HHAT: variants seen among roughly 807,000 people sequenced by gnomAD.
The protein encoded by HHAT is hedgehog acyltransferase.
Under a neutral mutation model 70.8 loss-of-function variants are expected in HHAT, and 47 were observed. The observed-to-expected ratio is 0.66, with a 90% confidence interval of 0.53 to 0.85. HHAT has a LOEUF of 0.85. Among genes scored for constraint, HHAT ranks in the 40% least tolerant of loss-of-function variants. The pLI is 0.00. For missense variants in HHAT, 609 were observed against 604.8 expected, an observed-to-expected ratio of 1.01 and a Z score of -0.07; for synonymous variants, 228 against 247.6, an observed-to-expected ratio of 0.92 and a Z score of 0.74.
intron 5 of HHAT, among the ~76,000 whole-genome samples, 195 bp from the exon 6 acceptor site, chr1:210,404,269 A>T (rs1457272741): frequency 6.6e-6 from 1 of 152,100 alleles, no homozygotes. Flanking sequence ...TTGATTACCA[A>T]TGAGATTTAC....
chr1:210,540,523 GCTCTCT>G (rs3067934), intron 9 of HHAT, among the ~76,000 whole-genome samples: 13 of 147,390 alleles, frequency 8.8e-5, no homozygotes, highest in Non-Finnish European at 1.5e-4. Context: ...ACAAACACAC[GCTCTCT>G]CTCTCTCTCT....
intron 10 of HHAT, chr1:210,589,070 A>G (rs922528028): frequency 2.0e-5 from 3 of 152,344 alleles, no homozygotes; most frequent in Admixed American, 2.0e-4. Flanking sequence ...ACCCCGAAAA[A>G]AGTAGCTAAA....
chr1:210,510,302 C>T (rs1039421906), intron 8 of HHAT, among the ~76,000 whole-genome samples: 10 of 152,086 alleles, frequency 6.6e-5, no homozygotes, highest in Non-Finnish European at 1.2e-4. Context: ...ACATCACCCC[C>T]GGAGGCCATG....
intron 10 of HHAT, among the ~76,000 whole-genome samples, chr1:210,605,947 C>T (rs1044697207): frequency 5.3e-5 from 8 of 151,782 alleles, no homozygotes; most frequent in Middle Eastern, 6.8e-3. Flanking sequence ...ACCTCCACCT[C>T]CCAGGTTCAA....
chr1:210,659,035 A>G (rs1361532078), intron 11 of HHAT, among the ~76,000 whole-genome samples: 1 of 150,646 alleles, frequency 6.6e-6, no homozygotes, highest in Non-Finnish European at 1.5e-5. Context: ...GAACTAGAGA[A>G]GCAAGAGCAA....
chr1:210,518,522 G>A (rs1053032123), intron 9 of HHAT, among the ~76,000 whole-genome samples: 4 of 152,178 alleles, frequency 2.6e-5, no homozygotes, highest in Admixed American at 6.5e-5. Context: ...CCCAGGCACG[G>A]TGGCTCGCAC....
chr1:210,531,075 TG>T (rs1464926011), intron 9 of HHAT, among the ~76,000 whole-genome samples: 1 of 152,226 alleles, frequency 6.6e-6, no homozygotes, highest in Non-Finnish European at 1.5e-5. Context: ...ATAGGCTTTA[TG>T]GTGGAGCCTC....
upstream of HHAT, among the ~76,000 whole-genome samples, chr1:210,328,747 G>C (rs2084716154): frequency 6.6e-6 from 1 of 152,262 alleles, no homozygotes; most frequent in South Asian, 2.1e-4. Flanking sequence ...CAACAGCCGA[G>C]GGGTGAGCGG....
chr1:210,421,385 G>A (rs1374992291), intron 7 of HHAT, among the ~76,000 whole-genome samples: 2 of 152,116 alleles, frequency 1.3e-5, no homozygotes, highest in Non-Finnish European at 2.9e-5. Flanking sequence ...GTTTTAATTT[G>A]CCTTTCCTTG....
chr1:210,402,824 T>C (rs538910680), intron 5 of HHAT, among the ~76,000 whole-genome samples: 8 of 152,314 alleles, frequency 5.3e-5, no homozygotes, highest in African/African-American at 1.9e-4. Context: ...TTGATCCAGG[T>C]GACAACACTT....
At chr1:210,400,436 G>C in intron 4 of HHAT, 32 bp from the exon 5 acceptor site, 1 of 1,563,290 alleles carries the variant, frequency 6.4e-7, no homozygotes, top group Non-Finnish European at 8.7e-7. Context: ...CTTCCTCCCT[G>C]TCTCTCTCTG....
intron 9 of HHAT, among the ~76,000 whole-genome samples, chr1:210,582,169 A>G (rs2148769909): frequency 6.6e-6 from 1 of 152,336 alleles, no homozygotes; most frequent in East Asian, 1.9e-4. Context: ...AGGATGGAGC[A>G]GTGTCTTCTA....
chr1:210,378,343 G>A (rs944589334), intron 3 of HHAT, among the ~76,000 whole-genome samples: 2 of 152,142 alleles, frequency 1.3e-5, no homozygotes, highest in Non-Finnish European at 2.9e-5. Context: ...TAAACAATAA[G>A]CAAATAATGC....
intron 8 of HHAT, among the ~76,000 whole-genome samples, chr1:210,474,767 C>T (rs2148469206): frequency 6.6e-6 from 1 of 151,014 alleles, no homozygotes; most frequent in Middle Eastern, 3.5e-3. Flanking sequence ...ATGTGGTGAA[C>T]TTGCCTGGTT....
chr1:210,653,539 A>AG (rs1675636465), intron 11 of HHAT, among the ~76,000 whole-genome samples: 6 of 152,018 alleles, frequency 3.9e-5, no homozygotes, highest in African/African-American at 1.4e-4. Context: ...CAAAAAAAAA[A>AG]AAAAAAAGTT....
At chr1:210,601,620 G>A (rs1664283157) in intron 10 of HHAT, among the ~76,000 whole-genome samples, 1 of 152,012 alleles carries the variant, frequency 6.6e-6, no homozygotes, top group African/African-American at 2.4e-5. Flanking sequence ...AAGACACTTT[G>A]CACATTACTG....
intron 7 of HHAT, among the ~76,000 whole-genome samples, chr1:210,420,162 C>G (rs1250916681): frequency 1.3e-5 from 2 of 152,176 alleles, no homozygotes; most frequent in Non-Finnish European, 2.9e-5. Flanking sequence ...TCCTTTTCTT[C>G]TTTTTCTTTG....
intron 9 of HHAT, among the ~76,000 whole-genome samples, chr1:210,516,965 G>T (rs72749322): frequency 6.6e-6 from 1 of 152,136 alleles, no homozygotes; most frequent in African/African-American, 2.4e-5. Flanking sequence ...TGAAATGTGG[G>T]CACTGTTGAT....
At chr1:210,598,373 TG>T (rs1663495685) in intron 10 of HHAT, among the ~76,000 whole-genome samples, 1 of 152,114 alleles carries the variant, frequency 6.6e-6, no homozygotes, top group African/African-American at 2.4e-5. Flanking sequence ...CAAAATCAAC[TG>T]GCTTGAAGTT....
Sources: allele counts gnomAD v4.1 joint callset (sites outside exome capture counted in the v4.1 genomes callset), GRCh38; gene constraint gnomAD v4.1.1; transcripts MANE v1.5; gene names NCBI Gene and HGNC (gene_info 2026-07-23, HGNC 2026-07-21).